ARHGAP42: variants seen among roughly 807,000 people sequenced by gnomAD.
The protein encoded by ARHGAP42 is Rho GTPase activating protein 42.
A neutral mutation model predicts 125.0 loss-of-function variants in ARHGAP42; 63 were observed. The ratio of observed to expected loss-of-function variants is 0.50; its 90% CI spans 0.41 to 0.62. The LOEUF is 0.62. ARHGAP42 is among the 20% of genes least tolerant of loss of function. The pLI, the probability that ARHGAP42 is intolerant of heterozygous loss-of-function variation, is 0.00. For missense variants in ARHGAP42, 766 were observed against 1,024.2 expected (o/e 0.75, Z 3.44); for synonymous variants, 339 against 351.0 (o/e 0.97, Z 0.38).
At chr11:100,966,356 A>T (rs905877073) in intron 17 of ARHGAP42, among the ~76,000 whole-genome samples, 2 of 152,170 alleles carry the variant, frequency 1.3e-5, no homozygotes, top group African/African-American at 4.8e-5. Flanking sequence ...ATATAAAGAG[A>T]TAGAGATTGG....
intron 4 of ARHGAP42, among the ~76,000 whole-genome samples, chr11:100,863,286 C>T (rs1459741727): frequency 6.6e-6 from 1 of 152,122 alleles, no homozygotes; most frequent in Non-Finnish European, 1.5e-5. Context: ...GGAGATTTCC[C>T]ACAAGCATGT....
chr11:100,740,703 A>G (rs567892405), intron 1 of ARHGAP42, among the ~76,000 whole-genome samples: 32 of 152,282 alleles, frequency 2.1e-4, no homozygotes, highest in Non-Finnish European at 2.1e-4. Context: ...GGGTAGGTAC[A>G]TTGCTCCTGG....
chr11:100,786,339 A>G (rs948087511), intron 2 of ARHGAP42, among the ~76,000 whole-genome samples: 1 of 152,246 alleles, frequency 6.6e-6, no homozygotes, highest in African/African-American at 2.4e-5. Context: ...AAATCTCAGT[A>G]AAGTTTTCTG....
intron 1 of ARHGAP42, among the ~76,000 whole-genome samples, chr11:100,750,936 C>CT (rs762255065): frequency 0.029 from 3,674 of 126,804 alleles, 134 homozygotes; most frequent in African/African-American, 0.082. Context: ...TTGATGTATA[C>CT]TTTTTTTTTT....
intron 2 of ARHGAP42, among the ~76,000 whole-genome samples, chr11:100,780,540 T>C (rs1227269537): frequency 6.6e-6 from 1 of 152,264 alleles, no homozygotes; most frequent in Non-Finnish European, 1.5e-5. Flanking sequence ...GGATCCACTC[T>C]ATGAAGCATG....
intron 4 of ARHGAP42, among the ~76,000 whole-genome samples, chr11:100,860,303 T>G (rs941858913): frequency 5.3e-5 from 8 of 152,270 alleles, no homozygotes; most frequent in Non-Finnish European, 8.8e-5. Context: ...CTGTCCATTC[T>G]AATGCAGAAT....
intron 1 of ARHGAP42, among the ~76,000 whole-genome samples, chr11:100,769,024 A>G (rs1182948012): frequency 6.6e-6 from 1 of 152,184 alleles, no homozygotes; most frequent in Non-Finnish European, 1.5e-5. Context: ...CAAGTAGGCT[A>G]TCCCACCTAG....
intron 4 of ARHGAP42, among the ~76,000 whole-genome samples, chr11:100,862,793 G>A (rs1359011016): frequency 6.6e-6 from 1 of 152,080 alleles, no homozygotes; most frequent in African/African-American, 2.4e-5. Flanking sequence ...CACTTTCGGA[G>A]GCTGAGGCAG....
Position 100,689,356 on chromosome 11 carries a change from A to T in ARHGAP42, c.154+1524A>T, listed in dbSNP as rs558434621. Among the ~76,000 whole-genome samples, 24 of 152,336 alleles carry T rather than the reference A, an allele frequency of 1.6e-4. No homozygotes were observed. In the South Asian group the frequency reaches 5.0e-3, roughly 32 times the overall value. On this transcript the variant is annotated intron_variant, in intron 1 of 23. Transcript: ENST00000298815. Reference sequence around the variant, plus strand: ...TCTAAGAGAGCATGATGCCTCTTCAAAAAGAGCTGCATCTCAGAGTGTCAA... The same window carrying T: ...TCTAAGAGAGCATGATGCCTCTTCATAAAGAGCTGCATCTCAGAGTGTCAA...
At chr11:100,899,619 T>A (rs973319460) in intron 4 of ARHGAP42, among the ~76,000 whole-genome samples, 2 of 152,160 alleles carry the variant, frequency 1.3e-5, no homozygotes, top group Non-Finnish European at 2.9e-5. Flanking sequence ...TCTCTTTTGA[T>A]CTTGTTGGTT....
intron 3 of ARHGAP42, among the ~76,000 whole-genome samples, chr11:100,814,198 A>T (rs1864211192): frequency 6.6e-6 from 1 of 151,916 alleles, no homozygotes; most frequent in Non-Finnish European, 1.5e-5. Context: ...GTCTCTTAAA[A>T]AAAAAAATAT....
intron 3 of ARHGAP42, among the ~76,000 whole-genome samples, chr11:100,858,606 T>C (rs1591243836): frequency 1.3e-5 from 2 of 152,256 alleles, no homozygotes; most frequent in East Asian, 3.9e-4. Flanking sequence ...ATTTCAAACT[T>C]ACAAAAAGGT....
chr11:100,939,375 T>C (rs990126424), intron 8 of ARHGAP42, among the ~76,000 whole-genome samples: 1 of 152,184 alleles, frequency 6.6e-6, no homozygotes, highest in Non-Finnish European at 1.5e-5. Flanking sequence ...ATGCTTACTA[T>C]TGGGTTCTTA....
intron 3 of ARHGAP42, among the ~76,000 whole-genome samples, chr11:100,855,346 A>C (rs1328344706): frequency 6.6e-6 from 1 of 152,126 alleles, no homozygotes; most frequent in African/African-American, 2.4e-5. Flanking sequence ...ACTGGCACCA[A>C]CATCACTGGA....
At position 100,936,333 on chromosome 11, in the gene ARHGAP42, G is replaced by T; in HGVS notation, c.832+1G>T. On this transcript the variant is annotated splice_donor_variant, in intron 8 of 23. Transcript: ENST00000298815. LOFTEE classifies it high-confidence loss of function. ...GGCTATCTGTATGTCCAGGAGAAAC[G>T]TGAGTCACAAAGACATAATTTCACG... 1 of 1,551,434 alleles carries T rather than the reference G, an allele frequency of 6.4e-7. No homozygotes were observed. Among genetic ancestry groups the T allele is most frequent in the Non-Finnish European group, 8.7e-7 (1 of 1,146,822 alleles).
At chr11:100,804,412 A>T (rs1768682866) in intron 3 of ARHGAP42, among the ~76,000 whole-genome samples, 1 of 152,156 alleles carries the variant, frequency 6.6e-6, no homozygotes, top group African/African-American at 2.4e-5. Context: ...CTTCATTAAA[A>T]TTTAAATAAT....
intron 1 of ARHGAP42, among the ~76,000 whole-genome samples, chr11:100,712,628 T>G (rs1015240333): frequency 2.6e-5 from 4 of 152,120 alleles, no homozygotes; most frequent in African/African-American, 9.7e-5. Context: ...GCTTTGCAGG[T>G]GTAATTCTCC....
At chr11:100,761,826 G>A (rs990220148) in intron 1 of ARHGAP42, among the ~76,000 whole-genome samples, 4 of 152,214 alleles carry the variant, frequency 2.6e-5, no homozygotes, top group African/African-American at 9.6e-5. Context: ...TTGAGAATCA[G>A]TATTTCAAGT....
intron 11 of ARHGAP42, among the ~76,000 whole-genome samples, chr11:100,949,270 C>T (rs1388330040): frequency 2.0e-5 from 3 of 152,060 alleles, no homozygotes; most frequent in African/African-American, 7.2e-5. Context: ...ACTGTGTTAC[C>T]AGTCCACAGT....
Sources: gnomAD v4.1 joint callset for allele counts (sites outside exome capture counted in the v4.1 genomes callset) on GRCh38, gnomAD v4.1.1 for gene constraint, MANE v1.5 for transcripts, NCBI Gene and HGNC (gene_info 2026-07-23, HGNC 2026-07-21) for gene names.